The following PRR14 variants were observed in gnomAD, a reference collection of about 807,000 sequenced individuals.
PRR14 encodes the protein proline-rich protein 14.
A neutral mutation model predicts 57.2 loss-of-function variants in PRR14; 33 were observed. The ratio of observed to expected loss-of-function variants is 0.58; its 90% confidence interval spans 0.44 to 0.77. The LOEUF (loss-of-function observed/expected upper bound fraction) is 0.77, where lower values mean the gene tolerates loss of function less well. PRR14 is among the 30% of genes least tolerant of loss of function. The pLI, the probability that PRR14 is intolerant of heterozygous loss-of-function variation, is 0.00. For synonymous variants in PRR14, 303 were observed against 314.7 expected (o/e 0.96, Z 0.39); for missense variants, 716 against 788.1 (o/e 0.91, Z 1.10).
At chr16:30,654,059 T>C in intron 6 of PRR14, 171 bp from the exon 7 acceptor site, 1 of 621,990 alleles carries the variant, frequency 1.6e-6, no homozygotes. Context: ...AGCCTGGGAG[T>C]TCAAGGCTGC....
At position 30,655,601 on chromosome 16, in the gene PRR14, G is replaced by A. The variant is rs1336733516; in HGVS notation, c.1406+8G>A. ...ACTGCCTCGACCAATCAGGTGAGGGGCTCACTGGGCATTGAGCCATCTTGG... is the reference window on the plus strand; with the variant it reads ...ACTGCCTCGACCAATCAGGTGAGGGACTCACTGGGCATTGAGCCATCTTGG... On this transcript the variant is annotated splice_region_variant and intron_variant, in intron 10 of 11. Coordinates refer to ENST00000300835, the MANE Select transcript of PRR14 (RefSeq NM_024031.5). The surrounding 1 kb of genome is among the most constrained non-coding windows in gnomAD (Gnocchi z 4.6). The A allele has an allele frequency of 3.1e-6, 5 of 1,612,650 alleles. No homozygotes were observed. The East Asian group carries it at 1.1e-4, about 36-fold the overall frequency.
intron 6 of PRR14, chr16:30,653,987 G>A: frequency 2.1e-6 from 1 of 483,410 alleles, no homozygotes; most frequent in South Asian, 2.9e-5. Context: ...AAATTAGTTG[G>A]ATGTGGTGGT....
At position 30,655,532 on chromosome 16, in the gene PRR14, C is replaced by G. The variant is rs576468884; in HGVS notation, c.1345C>G (p.Arg449Gly). ...TMGKVSRFRI[R>G]RTPARPQLNL... is the part of the protein sequence containing the mutation. ...GGGAAAGGTTTCTCGATTCAGAATA[C>G]GCAGAACACCAGCCCGTCCTCAGCT... The change falls in exon 10 of 12, where the codon CGC becomes GGC. Residue 449 changes from arginine (R) to glycine (G), a missense_variant. By Grantham distance (125) the Arg-to-Gly change is moderately radical (BLOSUM62 -2). Coordinates refer to ENST00000300835, the MANE Select transcript of PRR14 (RefSeq NM_024031.5). This position sits in a 1 kb window ranked among gnomAD's most constrained non-coding sequence, Gnocchi z 4.6. The G allele has an allele frequency of 1.2e-6, 2 of 1,614,242 alleles. No individual in the cohort carries two copies. The highest frequency in any genetic ancestry group is 2.2e-5 in the South Asian group (2 of 91,090).
Position 30,651,140 on chromosome 16 carries a change from C to A in PRR14, c.-51+13C>A, listed in dbSNP as rs2052307358. The stretch of plus-strand genomic sequence containing the variant: ...GCGGAACCGCGCTGTAGGATTCTTT[C>A]CTCAGGGATCCAGTCTAGGGGATCT... On this transcript the variant is annotated intron_variant, in intron 1 of 11. Coordinates refer to ENST00000300835, the MANE Select transcript of PRR14 (RefSeq NM_024031.5). This position sits in a 1 kb window ranked among gnomAD's most constrained non-coding sequence, Gnocchi z 5.0. 1 of 440,494 alleles carries A rather than the reference C, an allele frequency of 2.3e-6. No homozygotes were observed. The highest frequency in any genetic ancestry group is 1.6e-5 in the South Asian group (1 of 63,554). 27.3% of individuals were successfully genotyped at this position (440,494 alleles called of 1,614,324 possible). A position where few individuals can be genotyped will look rare whatever the true frequency, so the allele number is the denominator to read the frequency against.
rs943117199 is a variant in PRR14, at chr16:30,651,505, T to C, written c.-50-91T>C. The C allele has an allele frequency of 5.1e-6, 3 of 590,828 alleles. No individual in the cohort carries two copies. Among genetic ancestry groups the C allele is most frequent in the Non-Finnish European group, 8.3e-6 (3 of 360,408 alleles). 36.6% of individuals were successfully genotyped at this position (590,828 alleles called of 1,614,324 possible). A position where few individuals can be genotyped will look rare whatever the true frequency, so the allele number is the denominator to read the frequency against. On this transcript the variant is annotated intron_variant, in intron 1 of 11. Transcript: ENST00000300835. This position sits in a 1 kb window ranked among gnomAD's most constrained non-coding sequence, Gnocchi z 5.0. ...CGCCCCAGGGCTGCGGCCGCTGGGCTACGGGGAGCCGCGGGCGGACCATGA... is the reference window on the plus strand; with the variant it reads ...CGCCCCAGGGCTGCGGCCGCTGGGCCACGGGGAGCCGCGGGCGGACCATGA...
rs1234875973 is a variant in PRR14, at chr16:30,655,446, G to C, written c.1314+26G>C. On this transcript the variant is annotated intron_variant, in intron 9 of 11. Transcript: ENST00000300835. This position sits in a 1 kb window ranked among gnomAD's most constrained non-coding sequence, Gnocchi z 4.6. ...GTAGGCATTCAGATCGGGTAGAAGA[G>C]ACTAGTGGGGGCCTGAGCCCATGTC... 6.2e-7 allele frequency: 1 copy of C among 1,614,042 alleles called. No individual in the cohort carries two copies. The highest frequency in any genetic ancestry group is 8.5e-7 in the Non-Finnish European group (1 of 1,179,888).
At chr16:30,654,391 G>T (rs2052344761) in intron 7 of PRR14, 52 bp downstream of exon 7, 6 of 1,458,430 alleles carry the variant, frequency 4.1e-6, no homozygotes, top group Non-Finnish European at 4.8e-6. Flanking sequence ...GGACATCCTA[G>T]TTGAGCTTGG....
chr16:30,654,415 A>G (rs1347692058), intron 7 of PRR14, 76 bp downstream of exon 7: 8 of 1,296,958 alleles, frequency 6.2e-6, no homozygotes, highest in Admixed American at 1.7e-5. Context: ...TGTCAGGTAC[A>G]GAGTTGGGGA....
chr16:30,652,580 A>ATC, intron 3 of PRR14, 141 bp from the exon 4 acceptor site: 1 of 1,056,068 alleles, frequency 9.5e-7, no homozygotes, highest in Non-Finnish European at 1.4e-6. Flanking sequence ...AGTCCAATTC[A>ATC]TCTCTTCTCT....
At chr16:30,654,128 C>CAAA (rs370614424) in intron 6 of PRR14, 102 bp from the exon 7 acceptor site, 66 of 677,382 alleles carry the variant, frequency 9.7e-5, no homozygotes, top group Middle Eastern at 3.1e-4. Context: ...GGCTCTGTCT[C>CAAA]AAAAAAAAAA....
intron 3 of PRR14, 189 bp from the exon 4 acceptor site, chr16:30,652,532 C>A: frequency 1.5e-6 from 1 of 677,270 alleles, no homozygotes; most frequent in Non-Finnish European, 2.5e-6. Flanking sequence ...AGGTCCTACA[C>A]CTGCAGTTTA....
chr16:30,653,316 C>T, intron 5 of PRR14, 49 bp from the exon 6 acceptor site: 10 of 1,593,014 alleles, frequency 6.3e-6, no homozygotes, highest in East Asian at 2.2e-5. Context: ...ATGTGGGGCA[C>T]TAAGGGGGCT....
At chr16:30,652,538 G>T (rs891231047) in intron 3 of PRR14, 183 bp from the exon 4 acceptor site, 4 of 711,152 alleles carry the variant, frequency 5.6e-6, no homozygotes, top group Non-Finnish European at 9.5e-6. Flanking sequence ...TACACCTGCA[G>T]TTTAGGACTC....
At chr16:30,652,499 A>T in intron 3 of PRR14, 1 of 625,482 alleles carries the variant, frequency 1.6e-6, no homozygotes, top group Non-Finnish European at 2.8e-6. Flanking sequence ...TCATTTCTCT[A>T]AACAGCGTGG....
chr16:30,654,160 A>G, intron 6 of PRR14, 70 bp from the exon 7 acceptor site: 2 of 1,014,436 alleles, frequency 2.0e-6, no homozygotes, highest in East Asian at 2.4e-5. Context: ...GCCTTAAGGG[A>G]TAGGGGAGTT....
chr16:30,651,334 G>C lies in PRR14; in HGVS notation c.-51+207G>C. On this transcript the variant is annotated intron_variant, in intron 1 of 11. Coordinates refer to ENST00000300835, the MANE Select transcript of PRR14 (RefSeq NM_024031.5). This position sits in a 1 kb window ranked among gnomAD's most constrained non-coding sequence, Gnocchi z 5.0. ...CATAATCTGCAGGGACAAAGGCCTC[G>C]GGAGGCTCGGGCCGCGGGAGAACTG... 2.5e-6 allele frequency: 1 copy of C among 401,132 alleles called. No homozygotes were observed. Among genetic ancestry groups the C allele is most frequent in the South Asian group, 3.4e-5 (1 of 29,220 alleles). 24.8% of individuals were successfully genotyped at this position (401,132 alleles called of 1,614,324 possible). A position where few individuals can be genotyped will look rare whatever the true frequency, so the allele number is the denominator to read the frequency against.
At chr16:30,653,256 AC>A in intron 5 of PRR14, 108 bp from the exon 6 acceptor site, 1 of 1,417,078 alleles carries the variant, frequency 7.1e-7, no homozygotes, top group Non-Finnish European at 9.9e-7. Flanking sequence ...CTATATAAAA[AC>A]GTCTTTGGCG....
rs1567538693 is a variant in PRR14 at position 30,653,428 on chromosome 16, G to A, written c.548+20G>A. 3 of 1,611,572 alleles carry A rather than the reference G, an allele frequency of 1.9e-6. No homozygotes were observed. Among genetic ancestry groups the A allele is most frequent in the Admixed American group, 1.7e-5 (1 of 60,000 alleles). ...ACAAAGGTGAGAGGGCTGGAGTAGG[G>A]ATTATCAAAGGATCCAGGCAACAGC... On this transcript the variant is annotated intron_variant, in intron 6 of 11. Coordinates refer to ENST00000300835, the MANE Select transcript of PRR14 (RefSeq NM_024031.5).
At position 30,651,276 on chromosome 16, in the gene PRR14, C is replaced by G. The variant is rs904225646; in HGVS notation, c.-51+149C>G. The G allele has an allele frequency of 6.1e-6, 2 of 329,684 alleles. No homozygotes were observed. Among genetic ancestry groups the G allele is most frequent in the African/African-American group, 4.3e-5 (2 of 46,534 alleles). 20.4% of individuals were successfully genotyped at this position (329,684 alleles called of 1,614,324 possible). ...TCCAGCGGAAATAGCCTCCCAGGAC[C>G]GGGATCCCCGTGGATCCCGGGGGAT... is the stretch of plus-strand genomic sequence containing the variant. On this transcript the variant is annotated intron_variant, in intron 1 of 11. Coordinates refer to ENST00000300835, the MANE Select transcript of PRR14 (RefSeq NM_024031.5). This position sits in a 1 kb window ranked among gnomAD's most constrained non-coding sequence, Gnocchi z 5.0.
Sources: gnomAD v4.1 joint callset for allele counts on GRCh38, gnomAD v4.1.1 for gene constraint, Gnocchi (gnomAD v3.1) non-coding constraint, MANE v1.5 for transcripts, NCBI Gene and HGNC (gene_info 2026-07-23, HGNC 2026-07-21) for gene names.